The following ZNF436 variants were observed in gnomAD, a reference collection of about 807,000 sequenced individuals.
The protein encoded by ZNF436 is zinc finger protein 436.
A neutral mutation model predicts 41.9 loss-of-function variants in ZNF436; 22 were observed. The ratio of observed to expected loss-of-function variants is 0.53; its 90% CI spans 0.38 to 0.75. The LOEUF (loss-of-function observed/expected upper bound fraction) is 0.75. ZNF436 is among the 30% of genes least tolerant of loss of function. The pLI, the probability that ZNF436 is intolerant of heterozygous loss-of-function variation, is 0.00. For synonymous variants in ZNF436, 217 were observed against 197.8 expected, an observed-to-expected ratio of 1.10 and a Z score of -0.82; for missense variants, 506 against 587.3, an observed-to-expected ratio of 0.86 and a Z score of 1.43.
At position 23,366,119 on chromosome 1, in the gene ZNF436, G is replaced by C. The variant is rs1341915204; in HGVS notation, c.160+923C>G. Among the ~76,000 whole-genome samples, 3 of 152,128 alleles carry C rather than the reference G, an allele frequency of 2.0e-5. No homozygotes were observed. The South Asian group carries it at 6.2e-4, about 31-fold the overall frequency. On this transcript the variant is annotated intron_variant, in intron 3 of 3. Transcript: ENST00000314011. ...GATTCAGTGGAATATTTGGGTTACA[G>C]ACTGCAATAGATCTGGATAGATAAC...
intron 3 of ZNF436, among the ~76,000 whole-genome samples, chr1:23,366,066 T>C (rs963984888): frequency 1.3e-5 from 2 of 152,248 alleles, no homozygotes; most frequent in African/African-American, 4.8e-5. Flanking sequence ...TCACATTTTT[T>C]AAAGATTGTC....
chr1:23,366,191 A>G (rs561616498), intron 3 of ZNF436, among the ~76,000 whole-genome samples: 1 of 152,356 alleles, frequency 6.6e-6, no homozygotes, highest in South Asian at 2.1e-4. Flanking sequence ...AACTAGGGAC[A>G]TCAGAGAAAG....
chr1:23,364,706 A>G lies in ZNF436; in HGVS notation c.161-1485T>C, dbSNP rs1006945320. ...ATGTCTGGCTGAGAACATTCTTGGCATTGTCTAAGTATATTTCACATGCAG... is the reference window on the plus strand; with the variant it reads ...ATGTCTGGCTGAGAACATTCTTGGCGTTGTCTAAGTATATTTCACATGCAG... On this transcript the variant is annotated intron_variant, in intron 3 of 3. Coordinates refer to ENST00000314011, the MANE Select transcript of ZNF436 (RefSeq NM_001077195.2). 7.9e-5 allele frequency among the ~76,000 whole-genome samples: 12 copies of G among 152,350 alleles called. No homozygotes were observed. The East Asian group carries it at 2.3e-3, about 29-fold the overall frequency.
intron 1 of ZNF436, 60 bp downstream of exon 1, chr1:23,369,306 A>G (rs1638444053): frequency 3.9e-6 from 2 of 514,704 alleles, no homozygotes; most frequent in Non-Finnish European, 8.1e-6. Context: ...GGATGTTAGC[A>G]GTCCCTGTCC....
chr1:23,369,428 T>C lies in ZNF436; in HGVS notation c.-123A>G, dbSNP rs372118956. 21 of 534,354 alleles carry C rather than the reference T, an allele frequency of 3.9e-5. No homozygotes were observed. The African/African-American group carries it at 4.0e-4, about 10-fold the overall frequency. The allele number at this position is 534,354 out of a possible 1,614,324, so 33.1% of individuals were successfully genotyped here. A position where few individuals can be genotyped will look rare whatever the true frequency, so the allele number is the denominator to read the frequency against. ...CAAAACCTGAGAGACCGCGAACGGG[T>C]TCCAGAGCCGCAGCGTTCTCTCAGA... On this transcript the variant is annotated 5_prime_UTR_variant, in exon 1 of 4. Coordinates refer to ENST00000314011, the MANE Select transcript of ZNF436 (RefSeq NM_001077195.2).
In ZNF436 at chr1:23,367,977, G is replaced by C. The variant is rs746034745; in HGVS notation, c.29C>G (p.Ser10Cys). Residue 10 changes from serine (S) to cysteine (C), a missense_variant, in exon 2 of 4, where the codon TCC becomes TGC. By Grantham distance (112) the Ser-to-Cys change is moderately radical. Coordinates refer to ENST00000314011, the MANE Select transcript of ZNF436 (RefSeq NM_001077195.2). MAATLLMAG[S>C]QAPVTFEDMA... ...GAGAAGCCACCTCCGGCTTACCTGGGACCCAGCCATGAGCAGGGTGGCTGC... is the reference window on the plus strand; with the variant it reads ...GAGAAGCCACCTCCGGCTTACCTGGCACCCAGCCATGAGCAGGGTGGCTGC... 6.2e-7 allele frequency: 1 copy of C among 1,613,950 alleles called. No individual in the cohort carries two copies. Among genetic ancestry groups the C allele is most frequent in the African/African-American group, 1.3e-5 (1 of 74,936 alleles).
chr1:23,368,784 GCC>G (rs879408206), intron 1 of ZNF436, among the ~76,000 whole-genome samples: 3 of 152,182 alleles, frequency 2.0e-5, no homozygotes, highest in Admixed American at 2.0e-4. Context: ...GCTAGAATGA[GCC>G]CCTGCTTGAC....
chr1:23,365,584 T>A (rs1258391018), intron 3 of ZNF436, among the ~76,000 whole-genome samples: 1 of 150,734 alleles, frequency 6.6e-6, no homozygotes, highest in Non-Finnish European at 1.5e-5. Flanking sequence ...CGTGGTGGCA[T>A]GCACCTGTAA....
intron 1 of ZNF436, chr1:23,368,910 G>T (rs550348964): frequency 2.6e-5 from 4 of 153,706 alleles, no homozygotes; most frequent in African/African-American, 9.6e-5. Flanking sequence ...CGCCTGCGGC[G>T]GCGCGGCTCT....
chr1:23,367,745 C>CCCATCTCGT (rs1206670168), intron 2 of ZNF436, among the ~76,000 whole-genome samples: 1 of 152,236 alleles, frequency 6.6e-6, no homozygotes, highest in Non-Finnish European at 1.5e-5. Context: ...GAAGGTAGCG[C>CCCATCTCGT]CCATCTCGTC....
In ZNF436 at chr1:23,369,365, C is replaced by T. The variant is rs1018987305; in HGVS notation, c.-61+1G>A. 1.9e-6 allele frequency: 1 copy of T among 534,492 alleles called. No individual in the cohort carries two copies. Among genetic ancestry groups the T allele is most frequent in the South Asian group, 1.4e-5 (1 of 71,584 alleles). The allele number at this position is 534,492 out of a possible 1,614,324, so 33.1% of individuals were successfully genotyped here. A position where few individuals can be genotyped will look rare whatever the true frequency, so the allele number is the denominator to read the frequency against. ...CCCGAGTGGGGGACGAACAGACTTA[C>T]CTCCTGTCCCGCAAAAGATCCACTA... is the stretch of plus-strand genomic sequence containing the variant. On this transcript the variant is annotated splice_donor_variant, in intron 1 of 3. Transcript: ENST00000314011. LOFTEE classifies it low-confidence loss of function (5UTR_SPLICE).
intron 3 of ZNF436, among the ~76,000 whole-genome samples, chr1:23,365,721 T>A (rs1025920612): frequency 2.3e-5 from 3 of 127,936 alleles, no homozygotes; most frequent in African/African-American, 8.3e-5. Flanking sequence ...TTCAAAAAAA[T>A]TAATTAATTA....
At chr1:23,368,406 C>T in intron 1 of ZNF436, 1 of 197,676 alleles carries the variant, frequency 5.1e-6, no homozygotes, top group Non-Finnish European at 1.1e-5. Context: ...AGCCAATCAG[C>T]GAGCGAAGTT....
intron 1 of ZNF436, chr1:23,368,994 A>C (rs894019248): frequency 1.3e-5 from 2 of 159,616 alleles, no homozygotes; most frequent in Non-Finnish European, 2.8e-5. Context: ...TCGGCAGTAG[A>C]GCCTGGCGGT....
In ZNF436 at chr1:23,363,060, C is replaced by A; in HGVS notation, c.322G>T (p.Asp108Tyr). 3 of 1,614,176 alleles carry A rather than the reference C, an allele frequency of 1.9e-6. No homozygotes were observed. The South Asian group carries it at 3.3e-5, about 18-fold the overall frequency. ...CTTACCCACTCTTCTGCTGTTAAAT[C>A]TCCCCATTGTCTTTCTGACCTATCT... Reference protein sequence around the residue: ...SGDRSERQWGDLTAEEWVSYP... With the variant: ...SGDRSERQWGYLTAEEWVSYP... The change falls in exon 4 of 4, where the codon GAT (aspartate) becomes TAT (tyrosine). Residue 108 changes from aspartate (D) to tyrosine (Y), a missense_variant. By Grantham distance (160) the Asp-to-Tyr change is radical. Around this residue, in one of 2 missense-constraint regions of ZNF436, gnomAD observed 228 missense variants for 215.1 expected, o/e 1.06. Coordinates refer to ENST00000314011, the MANE Select transcript of ZNF436 (RefSeq NM_001077195.2).
chr1:23,369,132 C>CGGTGTAGGGCGTGTAAGG (rs1638437311), intron 1 of ZNF436: 1 of 289,062 alleles, frequency 3.5e-6, no homozygotes, highest in Non-Finnish European at 7.3e-6. Context: ...GACTCAGAAG[C>CGGTGTAGGGCGTGTAAGG]GGGTGGCGGT....
In ZNF436 at chr1:23,362,231, T is replaced by C; in HGVS notation, c.1151A>G (p.His384Arg). ...SSHLITHQKI[H>R]TGEKPYECNE... ...ACACTCATAAGGCTTCTCTCCAGTG[T>C]GAATTTTCTGGTGTGTGATGAGATG... Residue 384 changes from histidine to arginine, a missense_variant, in exon 4 of 4, where the codon CAC becomes CGC. Physicochemically the swap from His to Arg is conservative, Grantham distance 29. This residue lies in a region of ZNF436 where 278 missense variants were observed against 372.1 expected (regional missense o/e 0.75). Transcript: ENST00000314011. 6.2e-7 allele frequency: 1 copy of C among 1,614,204 alleles called. No homozygotes were observed. Among genetic ancestry groups the C allele is most frequent in the Non-Finnish European group, 8.5e-7 (1 of 1,180,032 alleles).
rs1280995004 is a variant in ZNF436 at position 23,359,900 on chromosome 1, A to T, written c.*2069T>A. On this transcript the variant is annotated 3_prime_UTR_variant, in exon 4 of 4. Coordinates refer to ENST00000314011, the MANE Select transcript of ZNF436 (RefSeq NM_001077195.2). ...AACAGTAGGGAAGGAAAAGGGGGTG[A>T]AATACAGTTAGGTCATGGAAATGCG... 1 of 152,686 alleles carries T rather than the reference A, an allele frequency of 6.5e-6. No individual in the cohort carries two copies. The highest frequency in any genetic ancestry group is 1.5e-5 in the Non-Finnish European group (1 of 68,078). The allele number at this position is 152,686 out of a possible 1,614,324, so 9.5% of individuals were successfully genotyped here.
At chr1:23,364,387 G>A (rs536581227) in intron 3 of ZNF436, among the ~76,000 whole-genome samples, 2 of 152,166 alleles carry the variant, frequency 1.3e-5, no homozygotes, top group East Asian at 1.9e-4. Flanking sequence ...ACAGGTGCCC[G>A]CCACCACATC....
Sources: allele counts gnomAD v4.1 joint callset (sites outside exome capture counted in the v4.1 genomes callset), GRCh38; gene constraint gnomAD v4.1.1; regional missense constraint gnomAD v4.1.1; transcripts MANE v1.5; gene names NCBI Gene and HGNC (gene_info 2026-07-23, HGNC 2026-07-21).